AFDN: variants seen among roughly 807,000 people sequenced by gnomAD.
AFDN encodes afadin, adherens junction formation factor.
Under a neutral mutation model 216.6 loss-of-function variants are expected in AFDN, and 68 were observed. The ratio of observed to expected loss-of-function variants is 0.31; its 90% CI spans 0.26 to 0.38. The LOEUF is 0.38. AFDN is among the 10% of genes least tolerant of loss of function. AFDN has a pLI of 1.00. For missense variants in AFDN, 2,136 were observed against 2,342.0 expected (o/e 0.91, Z 1.82); for synonymous variants, 868 against 853.7 (o/e 1.02, Z -0.29).
chr6:167,933,413 G>T (rs1021551804), intron 23 of AFDN, among the ~76,000 whole-genome samples: 3 of 152,096 alleles, frequency 2.0e-5, no homozygotes, highest in African/African-American at 7.2e-5. Flanking sequence ...TCAGTTTCTC[G>T]CATAAACTGT....
At chr6:167,859,071 G>GTTTTTTTTT (rs933336720) in intron 1 of AFDN, among the ~76,000 whole-genome samples, 5 of 109,026 alleles carry the variant, frequency 4.6e-5, no homozygotes, top group African/African-American at 6.6e-5. Context: ...GGCCGTTCTT[G>GTTTTTTTTT]TTTTTTTTTT....
At chr6:167,901,253 G>A (rs1562638389) in intron 11 of AFDN, among the ~76,000 whole-genome samples, 1 of 152,112 alleles carries the variant, frequency 6.6e-6, no homozygotes, top group East Asian at 1.9e-4. Flanking sequence ...AGAAATCCAG[G>A]AAATTTAAAT....
chr6:167,846,886 T>A (rs1025012362), intron 1 of AFDN, among the ~76,000 whole-genome samples: 3 of 152,144 alleles, frequency 2.0e-5, no homozygotes, highest in African/African-American at 7.2e-5. Flanking sequence ...GTCAACTGAA[T>A]CTGCGTTAAG....
chr6:167,898,381 G>T lies in AFDN; in HGVS notation c.1494G>T (p.Lys498Asn), dbSNP rs550932463. The T allele has an allele frequency of 1.2e-6, 2 of 1,614,208 alleles. No individual in the cohort carries two copies. The highest frequency in any genetic ancestry group is 1.7e-6 in the Non-Finnish European group (2 of 1,180,030). The change falls in exon 11 of 34, where the codon AAG (lysine) becomes AAT (asparagine). Residue 498 changes from lysine to asparagine, a missense_variant. Coordinates refer to ENST00000683244, the MANE Select transcript of AFDN (RefSeq NM_001386888.1). Reference sequence around the variant, plus strand: ...AGTTTGGGGCGTCCCATGTATTTAAGTTTGTGGACCCCAGTCAGGATCATG... The same window carrying T: ...AGTTTGGGGCGTCCCATGTATTTAATTTTGTGGACCCCAGTCAGGATCATG... The part of the protein sequence containing the change: ...KVQFGASHVF[K>N]FVDPSQDHAL...
chr6:167,962,481 A>G lies in AFDN; in HGVS notation c.4882A>G (p.Lys1628Glu), dbSNP rs775676158. 5 of 1,613,762 alleles carry G rather than the reference A, an allele frequency of 3.1e-6. No homozygotes were observed. The highest frequency in any genetic ancestry group is 4.2e-6 in the Non-Finnish European group (5 of 1,179,712). Residue 1628 changes from lysine (K) to glutamate (E), a missense_variant, in exon 31 of 34, where the codon AAG becomes GAG. Lys to Glu is a moderately conservative substitution (Grantham distance 56). Transcript: ENST00000683244. The surrounding 1 kb of genome is among the most constrained non-coding windows in gnomAD (Gnocchi z 5.2). The stretch of plus-strand genomic sequence containing the variant: ...GCAGCAGCAGTTAGAAGAGATGCGC[A>G]AGCGGGAAGCGGAAGACCGAGCGAG... ...RRQQQLEEMR[K>E]REAEDRARQE...
chr6:167,946,257 C>T (rs1795242680), intron 26 of AFDN, among the ~76,000 whole-genome samples: 2 of 152,124 alleles, frequency 1.3e-5, no homozygotes, highest in South Asian at 2.1e-4. Flanking sequence ...GATGATAAAC[C>T]AGGGTGAGCA....
At chr6:167,915,577 T>C in intron 19 of AFDN, 144 bp downstream of exon 19, 1 of 911,202 alleles carries the variant, frequency 1.1e-6, no homozygotes, top group African/African-American at 1.7e-5. Flanking sequence ...AGTAGTGCTA[T>C]GTGAGTACTT....
intron 23 of AFDN, among the ~76,000 whole-genome samples, chr6:167,942,621 T>C (rs1794828844): frequency 6.6e-6 from 1 of 152,222 alleles, no homozygotes; most frequent in Non-Finnish European, 1.5e-5. Flanking sequence ...GTCTTGTTGC[T>C]TTGATATTTA....
chr6:167,969,892 C>T lies in AFDN; in HGVS notation c.5453C>T (p.Ser1818Phe). 2 of 1,612,248 alleles carry T rather than the reference C, an allele frequency of 1.2e-6. No individual in the cohort carries two copies. Among genetic ancestry groups the T allele is most frequent in the Non-Finnish European group, 1.7e-6 (2 of 1,179,452 alleles). The change falls in exon 34 of 34, where the codon TCT (serine) becomes TTT (phenylalanine). Residue 1818 changes from serine to phenylalanine, a missense_variant. Around this residue, in one of 8 missense-constraint regions of AFDN, gnomAD observed 981 missense variants for 966.0 expected, o/e 1.02. Coordinates refer to ENST00000683244, the MANE Select transcript of AFDN (RefSeq NM_001386888.1). Reference protein sequence around the residue: ...GQDVSNKVKASRKLTELENEL... With the variant: ...GQDVSNKVKAFRKLTELENEL... ...GATGTATCCAATAAAGTGAAAGCTT[C>T]TCGTAAATTAACAGAACTGGAGAAT...
In AFDN at chr6:167,971,067, G is replaced by A; in HGVS notation, c.*1132G>A. 4.5e-6 allele frequency: 1 copy of A among 220,338 alleles called. No individual in the cohort carries two copies. Among genetic ancestry groups the A allele is most frequent in the East Asian group, 6.7e-5 (1 of 14,990 alleles). 13.6% of individuals were successfully genotyped at this position (220,338 alleles called of 1,614,324 possible). ...TTTCTTCAGCTATGGATATGTGGCT[G>A]ATGTTGGGGAGACGGACCTCAGTGT... On this transcript the variant is annotated 3_prime_UTR_variant, in exon 34 of 34. Transcript: ENST00000683244.
intron 4 of AFDN, among the ~76,000 whole-genome samples, chr6:167,873,855 G>GT (rs1387315538): frequency 6.6e-6 from 1 of 152,158 alleles, no homozygotes; most frequent in Non-Finnish European, 1.5e-5. Flanking sequence ...TAAGTGTCCT[G>GT]TATGTATTGA....
intron 12 of AFDN, among the ~76,000 whole-genome samples, chr6:167,905,931 C>A (rs1789610964): frequency 6.6e-6 from 1 of 152,124 alleles, no homozygotes. Flanking sequence ...TGGTGAAACC[C>A]TGTCTCTGCT....
intron 1 of AFDN, among the ~76,000 whole-genome samples, chr6:167,846,286 G>A (rs578073871): frequency 1.3e-5 from 2 of 152,188 alleles, no homozygotes; most frequent in East Asian, 1.9e-4. Flanking sequence ...AGCCTTGGAT[G>A]TAGGTTTGTT....
At chr6:167,842,666 G>T (rs1445379846) in intron 1 of AFDN, among the ~76,000 whole-genome samples, 1 of 151,952 alleles carries the variant, frequency 6.6e-6, no homozygotes, top group East Asian at 1.9e-4. Context: ...CACATACTTG[G>T]TTTCATCTCA....
At chr6:167,850,922 C>T (rs1782229332) in intron 1 of AFDN, among the ~76,000 whole-genome samples, 1 of 151,596 alleles carries the variant, frequency 6.6e-6, no homozygotes, top group Non-Finnish European at 1.5e-5. Flanking sequence ...GCTCTGTTGC[C>T]CATAGCTGGA....
chr6:167,834,451 GTTTCGGTTTTTTTTTTTTTT>G (rs973088695), intron 1 of AFDN, among the ~76,000 whole-genome samples: 5 of 60,630 alleles, frequency 8.2e-5, no homozygotes. Flanking sequence ...TGTTGTTGTT[GTTTCGGTTTTTTTTTTTTTT>G]TTTTTTTTCG....
intron 30 of AFDN, among the ~76,000 whole-genome samples, chr6:167,956,007 C>T (rs1015016388): frequency 6.8e-5 from 10 of 147,166 alleles, no homozygotes; most frequent in Admixed American, 2.1e-4. Flanking sequence ...GCCAGCTACT[C>T]AGGAGGCTGA....
Position 167,907,298 on chromosome 6 carries a change from C to T in AFDN, c.1769+9C>T, listed in dbSNP as rs767664642. The T allele has an allele frequency of 5.0e-6, 8 of 1,601,486 alleles. No homozygotes were observed. Among genetic ancestry groups the T allele is most frequent in the Non-Finnish European group, 6.0e-6 (7 of 1,168,872 alleles). On this transcript the variant is annotated intron_variant, in intron 13 of 33. Transcript: ENST00000683244. ...CGCAGGCAAGAAAGCAGGTAGGAAA[C>T]ACATCATTTTTCAATGGTGAAAGTA...
At chr6:167,882,098 A>G (rs544181079) in intron 6 of AFDN, among the ~76,000 whole-genome samples, 6 of 152,190 alleles carry the variant, frequency 3.9e-5, no homozygotes, top group Admixed American at 6.5e-5. Flanking sequence ...ACTGGAGAGA[A>G]CAGATGGAAG....
Sources: allele counts gnomAD v4.1 joint callset (sites outside exome capture counted in the v4.1 genomes callset), GRCh38; gene constraint gnomAD v4.1.1; regional missense constraint gnomAD v4.1.1; non-coding constraint Gnocchi (gnomAD v3.1); transcripts MANE v1.5; gene names NCBI Gene and HGNC (gene_info 2026-07-23, HGNC 2026-07-21).